Variants in KIF3B observed in about 807,000 individuals in gnomAD.
The protein encoded by KIF3B is kinesin family member 3B.
KIF3B carries 38 observed loss-of-function variants against 74.3 expected under a neutral mutation model. The observed-to-expected ratio is 0.51, with a 90% CI of 0.39 to 0.67. KIF3B has a LOEUF of 0.67. Ranked by LOEUF, KIF3B falls within the 30% of genes least tolerant of loss-of-function variation. The pLI is 0.00. For missense variants in KIF3B, 649 were observed against 932.0 expected, an observed-to-expected ratio of 0.70 and a Z score of 3.95; for synonymous variants, 326 against 342.5, an observed-to-expected ratio of 0.95 and a Z score of 0.53.
rs146395113 is a variant in KIF3B at position 32,312,364 on chromosome 20, C to T, written c.1404+1183C>T. Among the ~76,000 whole-genome samples the T allele has an allele frequency of 1.3e-4, 20 of 152,224 alleles. No individual in the cohort carries two copies. The East Asian group carries it at 3.9e-3, about 29-fold the overall frequency. ...GAATGATTCTCCCACCTCCCCCTCC[C>T]AAAGTGCTGGGATTACAGGCGTGAG... is the stretch of plus-strand genomic sequence containing the variant. On this transcript the variant is annotated intron_variant, in intron 2 of 8. Coordinates refer to ENST00000375712, the MANE Select transcript of KIF3B (RefSeq NM_004798.4).
chr20:32,315,740 G>A (rs1047178111), intron 2 of KIF3B, among the ~76,000 whole-genome samples: 3 of 152,004 alleles, frequency 2.0e-5, no homozygotes, highest in Non-Finnish European at 2.9e-5. Context: ...TCCCCACAGA[G>A]TCTGAATTCT....
chr20:32,323,385 C>A (rs1038611921), intron 5 of KIF3B, among the ~76,000 whole-genome samples: 2 of 150,790 alleles, frequency 1.3e-5, no homozygotes, highest in Admixed American at 6.7e-5. Context: ...TGAGGCAATT[C>A]TTTTTATTTT....
chr20:32,299,935 G>A (rs923214615), intron 1 of KIF3B, among the ~76,000 whole-genome samples: 1 of 149,872 alleles, frequency 6.7e-6, no homozygotes, highest in Admixed American at 6.6e-5. Flanking sequence ...CTATAGGCAT[G>A]TGTCATCACG....
At chr20:32,327,179 C>T (rs1020123726) in intron 6 of KIF3B, among the ~76,000 whole-genome samples, 10 of 151,988 alleles carry the variant, frequency 6.6e-5, no homozygotes, top group Non-Finnish European at 1.5e-4. Flanking sequence ...TGCTAGGTCA[C>T]GTAAGGGGCA....
rs1318139699 is a variant in KIF3B at position 32,333,048 on chromosome 20, A to C, written c.*1729A>C. The C allele has an allele frequency of 6.6e-6, 1 of 152,662 alleles. No individual in the cohort carries two copies. Among genetic ancestry groups the C allele is most frequent in the Non-Finnish European group, 1.5e-5 (1 of 68,054 alleles). 9.5% of individuals were successfully genotyped at this position (152,662 alleles called of 1,614,324 possible). A position where few individuals can be genotyped will look rare whatever the true frequency, so the allele number is the denominator to read the frequency against. ...CAGGAGGTACTAAGTGCAATGTCTTAGCATTCTGCAAAATGGAGATCTGTT... is the reference window on the plus strand; with the variant it reads ...CAGGAGGTACTAAGTGCAATGTCTTCGCATTCTGCAAAATGGAGATCTGTT... On this transcript the variant is annotated 3_prime_UTR_variant, in exon 9 of 9. Coordinates refer to ENST00000375712, the MANE Select transcript of KIF3B (RefSeq NM_004798.4).
chr20:32,328,204 A>T (rs1301871950), intron 7 of KIF3B, among the ~76,000 whole-genome samples: 4 of 151,410 alleles, frequency 2.6e-5, no homozygotes, highest in Admixed American at 1.3e-4. Context: ...TTGGTGGATC[A>T]CCTGAGGTCA....
Position 32,310,632 on chromosome 20 carries a change from C to A in KIF3B, c.855C>A (p.Gly285=). The A allele has an allele frequency of 1.2e-6, 2 of 1,614,120 alleles. No homozygotes were observed. The highest frequency in any genetic ancestry group is 2.2e-5 in the South Asian group (2 of 91,084). ...LGNVISALVD[G]KSTHIPYRDS... ...ATGTCATCTCTGCTCTAGTGGACGGCAAAAGCACTCACATTCCATATCGGG... is the reference window on the plus strand; with the variant it reads ...ATGTCATCTCTGCTCTAGTGGACGGAAAAAGCACTCACATTCCATATCGGG... The change falls in exon 2 of 9, where the codon GGC becomes GGA. Residue 285 remains glycine, a synonymous_variant. Transcript: ENST00000375712. The surrounding 1 kb of genome is among the most constrained non-coding windows in gnomAD (Gnocchi z 6.5).
intron 5 of KIF3B, among the ~76,000 whole-genome samples, chr20:32,320,060 A>G (rs1426967748): frequency 1.3e-5 from 2 of 148,492 alleles, no homozygotes; most frequent in African/African-American, 5.0e-5. Context: ...ATGCCCAGCT[A>G]ATTTTTGTAT....
chr20:32,280,738 AAAG>A (rs1476617019), intron 1 of KIF3B, among the ~76,000 whole-genome samples: 103 of 150,316 alleles, frequency 6.9e-4, no homozygotes, highest in Non-Finnish European at 1.1e-3. Context: ...AAAAAAAAAA[AAAG>A]AAAGAAAGAT....
chr20:32,329,573 T>C (rs62206866), intron 7 of KIF3B, among the ~76,000 whole-genome samples: 2,870 of 152,252 alleles, frequency 0.019, 91 homozygotes, highest in Admixed American at 0.085. Flanking sequence ...CCCCATCTTC[T>C]CTATGCATTC....
At chr20:32,301,501 C>T (rs2047743957) in intron 1 of KIF3B, among the ~76,000 whole-genome samples, 1 of 152,024 alleles carries the variant, frequency 6.6e-6, no homozygotes, top group Non-Finnish European at 1.5e-5. Flanking sequence ...CTCAGCCTCC[C>T]GAGTAGCTGG....
In KIF3B at chr20:32,309,890, T is replaced by C. The variant is rs1359509848; in HGVS notation, c.113T>C (p.Leu38Pro). The C allele has an allele frequency of 6.2e-7, 1 of 1,614,146 alleles. No homozygotes were observed. Among genetic ancestry groups the C allele is most frequent in the Non-Finnish European group, 8.5e-7 (1 of 1,180,018 alleles). Residue 38 changes from leucine to proline, a missense_variant, in exon 2 of 9, where the codon CTG (leucine) becomes CCG (proline). By Grantham distance (98) the Leu-to-Pro change is moderately conservative (BLOSUM62 -3). Transcript: ENST00000375712. ...AAAGTGGTGGATGTGGATGTTAAGCTGGGGCAGGTGTCTGTGAAGAACCCC... is the reference window on the plus strand; with the variant it reads ...AAAGTGGTGGATGTGGATGTTAAGCCGGGGCAGGTGTCTGTGAAGAACCCC... ...YDKVVDVDVK[L>P]GQVSVKNPKG...
intron 1 of KIF3B, among the ~76,000 whole-genome samples, chr20:32,298,057 C>T (rs2047724500): frequency 1.3e-5 from 2 of 151,474 alleles, no homozygotes; most frequent in South Asian, 4.2e-4. Flanking sequence ...TTGCAGTGAG[C>T]CAAGATCATG....
intron 5 of KIF3B, among the ~76,000 whole-genome samples, chr20:32,323,800 C>T (rs1351170600): frequency 6.6e-6 from 1 of 151,988 alleles, no homozygotes; most frequent in African/African-American, 2.4e-5. Context: ...ATTGCTTGAA[C>T]CTGGAAGGCG....
chr20:32,277,744 C>A lies in KIF3B; in HGVS notation c.-87C>A, dbSNP rs1325394830. 3.8e-6 allele frequency: 1 copy of A among 263,434 alleles called. No homozygotes were observed. The highest frequency in any genetic ancestry group is 6.9e-6 in the Non-Finnish European group (1 of 145,122). 16.3% of individuals were successfully genotyped at this position (263,434 alleles called of 1,614,324 possible). On this transcript the variant is annotated 5_prime_UTR_variant, in exon 1 of 9. Coordinates refer to ENST00000375712, the MANE Select transcript of KIF3B (RefSeq NM_004798.4). Reference sequence around the variant, plus strand: ...CCGCCGCCGCCGCCGCCGCCGCCGCCCGCTTTCGGCTCGGGCCTCAGGTGA... The same window carrying A: ...CCGCCGCCGCCGCCGCCGCCGCCGCACGCTTTCGGCTCGGGCCTCAGGTGA...
intron 1 of KIF3B, among the ~76,000 whole-genome samples, chr20:32,287,574 G>C (rs2047673036): frequency 6.6e-6 from 1 of 152,162 alleles, no homozygotes; most frequent in Non-Finnish European, 1.5e-5. Flanking sequence ...TCCTGACTCA[G>C]CCTCCCAAAG....
chr20:32,307,865 G>A (rs896489955), intron 1 of KIF3B, among the ~76,000 whole-genome samples: 1 of 149,140 alleles, frequency 6.7e-6, no homozygotes, highest in Non-Finnish European at 1.5e-5. Context: ...CTTGCAGTGA[G>A]CCGAGATCGT....
intron 1 of KIF3B, among the ~76,000 whole-genome samples, chr20:32,298,674 C>T (rs2047727679): frequency 6.6e-6 from 1 of 152,030 alleles, no homozygotes; most frequent in Non-Finnish European, 1.5e-5. Flanking sequence ...CCCTCCCCTC[C>T]CCTCTCTTCC....
chr20:32,296,109 C>T (rs376020851), intron 1 of KIF3B, among the ~76,000 whole-genome samples: 6 of 151,570 alleles, frequency 4.0e-5, no homozygotes, highest in African/African-American at 1.5e-4. Flanking sequence ...GTGATCCACC[C>T]GCCTCGGCCT....
Sources: gnomAD v4.1 joint callset for allele counts (sites outside exome capture counted in the v4.1 genomes callset) on GRCh38, gnomAD v4.1.1 for gene constraint, Gnocchi (gnomAD v3.1) non-coding constraint, MANE v1.5 for transcripts, NCBI Gene and HGNC (gene_info 2026-07-23, HGNC 2026-07-21) for gene names.